AKR1D1: variants seen among roughly 807,000 people sequenced by gnomAD.
The protein encoded by AKR1D1 is delta(4)-3-ketosteroid 5-beta-reductase.
AKR1D1 carries 32 observed loss-of-function variants against 42.6 expected under a neutral mutation model. The ratio of observed to expected loss-of-function variants is 0.75; its 90% CI spans 0.57 to 1.01. AKR1D1 has a LOEUF of 1.01. Ranked by LOEUF, AKR1D1 falls within the 50% of genes least tolerant of loss-of-function variation. The probability of loss-of-function intolerance (pLI) is 0.00; values close to 1 mark genes in which losing one functional copy is unlikely to be tolerated. For missense variants in AKR1D1, 364 were observed against 402.2 expected (o/e 0.91, Z 0.81); for synonymous variants, 123 against 135.5 (o/e 0.91, Z 0.64).
chr7:138,106,687 G>A lies in AKR1D1; in HGVS notation c.659G>A (p.Ser220Asn). The A allele has an allele frequency of 6.2e-7, 1 of 1,613,706 alleles. No individual in the cohort carries two copies. The highest frequency in any genetic ancestry group is 8.5e-7 in the Non-Finnish European group (1 of 1,179,640). Residue 220 changes from serine to asparagine, a missense_variant, in exon 6 of 9, where the codon AGC becomes AAC. Coordinates refer to ENST00000242375, the MANE Select transcript of AKR1D1 (RefSeq NM_005989.4). ...QQHDIVITAY[S>N]PLGTSRNPIW... ...CATGACATTGTCATTACTGCATATA[G>A]CCCTTTGGGGACCAGTAGGAATCCA...
intron 5 of AKR1D1, among the ~76,000 whole-genome samples, chr7:138,105,758 A>G (rs1794411391): frequency 6.6e-6 from 1 of 152,078 alleles, no homozygotes; most frequent in Non-Finnish European, 1.5e-5. Context: ...TTGGTGGCAC[A>G]TGCCTGTAAT....
At chr7:138,094,477 T>A (rs1041780354) in intron 3 of AKR1D1, among the ~76,000 whole-genome samples, 6 of 150,998 alleles carry the variant, frequency 4.0e-5, no homozygotes, top group Non-Finnish European at 8.9e-5. Flanking sequence ...ATTGCGCCAC[T>A]GCACTCCAGC....
At chr7:138,105,581 T>C (rs896758239) in intron 5 of AKR1D1, 152 bp downstream of exon 5, 22 of 1,229,582 alleles carry the variant, frequency 1.8e-5, no homozygotes, top group Admixed American at 4.8e-5. Flanking sequence ...TTCTTTCTAT[T>C]GGTGTCACTT....
At chr7:138,101,177 C>CT (rs1794305636) in intron 4 of AKR1D1, among the ~76,000 whole-genome samples, 1 of 32,158 alleles carries the variant, frequency 3.1e-5, no homozygotes, top group African/African-American at 1.3e-4. Flanking sequence ...CCCTCCCTCC[C>CT]TCCCTCCCTC....
intron 7 of AKR1D1, among the ~76,000 whole-genome samples, chr7:138,111,847 A>T (rs1365877228): frequency 6.6e-6 from 1 of 152,180 alleles, no homozygotes; most frequent in Non-Finnish European, 1.5e-5. Context: ...GATTTTTTTT[A>T]AATATGCTTG....
At position 138,081,506 on chromosome 7, in the gene AKR1D1, CTTTTTTTTTTTTTTTTTTTTTT is replaced by C. The variant is rs61466734; in HGVS notation, c.93+4910_93+4931del. On this transcript the variant is annotated intron_variant, in intron 1 of 8. Coordinates refer to ENST00000242375, the MANE Select transcript of AKR1D1 (RefSeq NM_005989.4). ...TCCAAAATATAAAAGGAACTCCTAC[CTTTTTTTTTTTTTTTTTTTTTT>C]TTTTTTTTTTTTTTGAGACAGACTT... Among the ~76,000 whole-genome samples, 9 of 47,620 alleles carry C rather than the reference CTTTTTTTTTTTTTTTTTTTTTT, an allele frequency of 1.9e-4. No homozygotes were observed. In the Admixed American group the frequency reaches 2.3e-3, roughly 12 times the overall value. 31.2% of individuals were successfully genotyped at this position (47,620 alleles called of 152,430 possible). A position where few individuals can be genotyped will look rare whatever the true frequency, so the allele number is the denominator to read the frequency against.
chr7:138,091,115 C>G (rs116093902), intron 2 of AKR1D1: 5,224 of 157,270 alleles, frequency 0.033, 315 homozygotes, highest in African/African-American at 0.12. Flanking sequence ...AATGCAAGCA[C>G]TAAGCATCAG....
chr7:138,076,553 T>TA lies in AKR1D1; in HGVS notation c.37dup (p.Ser13LysfsTer2). On this transcript the variant is annotated frameshift_variant, in exon 1 of 9. Transcript: ENST00000242375. LOFTEE classifies it high-confidence loss of function. ...AGTGCTGCAAGTCACCGCATACCTC[T>TA]AAGTGATGGAAACAGCATTCCCATC... is the stretch of plus-strand genomic sequence containing the variant. 6.2e-7 allele frequency: 1 copy of TA among 1,613,610 alleles called. No individual in the cohort carries two copies. Among genetic ancestry groups the TA allele is most frequent in the East Asian group, 2.2e-5 (1 of 44,844 alleles).
chr7:138,115,318 T>G (rs1054226275), intron 8 of AKR1D1, among the ~76,000 whole-genome samples: 1 of 152,160 alleles, frequency 6.6e-6, no homozygotes, highest in African/African-American at 2.4e-5. Flanking sequence ...GGCATGCACC[T>G]GTAGTACTAG....
intron 1 of AKR1D1, among the ~76,000 whole-genome samples, chr7:138,077,830 A>T (rs1802972533): frequency 6.6e-6 from 1 of 152,250 alleles, no homozygotes. Context: ...AGAGAAGGAT[A>T]TATGATATAT....
rs202238711 is a variant in AKR1D1 at position 138,097,933 on chromosome 7, C to T, written c.446C>T (p.Ala149Val). 52 of 1,609,676 alleles carry T rather than the reference C, an allele frequency of 3.2e-5. No homozygotes were observed. In the Admixed American group the frequency reaches 6.7e-4, roughly 21 times the overall value. The part of the protein sequence containing the change: ...KWLYHKSNLC[A>V]TWEAMEACKD... Reference sequence around the variant, plus strand: ...TTATATCACAAGTCAAATCTGTGTGCCACTTGGGAGGTAAGTTCAAATGTG... The same window carrying T: ...TTATATCACAAGTCAAATCTGTGTGTCACTTGGGAGGTAAGTTCAAATGTG... The change falls in exon 4 of 9, where the codon GCC becomes GTC. Residue 149 changes from alanine (A) to valine (V), a missense_variant. Coordinates refer to ENST00000242375, the MANE Select transcript of AKR1D1 (RefSeq NM_005989.4).
intron 3 of AKR1D1, among the ~76,000 whole-genome samples, chr7:138,094,764 C>T (rs935182133): frequency 2.6e-5 from 4 of 152,186 alleles, no homozygotes; most frequent in African/African-American, 9.7e-5. Flanking sequence ...AAGCCATTCT[C>T]CCACTTCAGC....
chr7:138,103,774 G>T (rs1322516998), intron 4 of AKR1D1, among the ~76,000 whole-genome samples: 1 of 152,100 alleles, frequency 6.6e-6, no homozygotes, highest in Non-Finnish European at 1.5e-5. Context: ...TTACCAAAAA[G>T]ATATACTAAT....
intron 3 of AKR1D1, among the ~76,000 whole-genome samples, chr7:138,093,969 A>G (rs1253423393): frequency 2.0e-5 from 3 of 152,210 alleles, no homozygotes; most frequent in African/African-American, 7.2e-5. Flanking sequence ...TATGCAGCAC[A>G]TGACTCTACT....
intron 7 of AKR1D1, among the ~76,000 whole-genome samples, chr7:138,113,307 C>A (rs761768389): frequency 4.0e-5 from 6 of 148,892 alleles, no homozygotes; most frequent in East Asian, 1.9e-4. Context: ...CAGAGTAAGA[C>A]CCTGTCTCAA....
At chr7:138,093,031 T>C (rs1030496598) in intron 3 of AKR1D1, among the ~76,000 whole-genome samples, 3 of 152,212 alleles carry the variant, frequency 2.0e-5, no homozygotes, top group Admixed American at 2.0e-4. Context: ...ACTTTTTGAT[T>C]CTTTGTAATA....
intron 1 of AKR1D1, among the ~76,000 whole-genome samples, chr7:138,077,097 A>G (rs1235495506): frequency 1.3e-5 from 2 of 152,234 alleles, no homozygotes; most frequent in African/African-American, 2.4e-5. Flanking sequence ...AACTAATTGT[A>G]GAATGACCAA....
At chr7:138,109,006 A>G (rs1794485821) in intron 7 of AKR1D1, among the ~76,000 whole-genome samples, 1 of 152,216 alleles carries the variant, frequency 6.6e-6, no homozygotes, top group Non-Finnish European at 1.5e-5. Context: ...ATTTGCACAT[A>G]TATACATGGG....
chr7:138,107,262 G>A (rs765166626), intron 6 of AKR1D1, 153 bp from the exon 7 acceptor site: 7 of 830,106 alleles, frequency 8.4e-6, no homozygotes, highest in Middle Eastern at 4.3e-4. Context: ...TCCATTCAGT[G>A]CATACTCTGC....
Sources: gnomAD v4.1 joint callset for allele counts (sites outside exome capture counted in the v4.1 genomes callset) on GRCh38, gnomAD v4.1.1 for gene constraint, MANE v1.5 for transcripts, NCBI Gene and HGNC (gene_info 2026-07-23, HGNC 2026-07-21) for gene names.